The following C2CD3 variants were observed in gnomAD, a reference collection of about 807,000 sequenced individuals.
C2CD3 encodes C2 domain containing 3 centriole elongation regulator.
A neutral mutation model predicts 234.0 loss-of-function variants in C2CD3; 148 were observed. The ratio of observed to expected loss-of-function variants is 0.63; its 90% CI spans 0.55 to 0.72. The LOEUF (loss-of-function observed/expected upper bound fraction) is 0.72, where lower values mean the gene tolerates loss of function less well. Among genes scored for constraint, C2CD3 ranks in the 30% least tolerant of loss-of-function variants. The pLI, the probability that C2CD3 is intolerant of heterozygous loss-of-function variation, is 0.00. For missense variants in C2CD3, 2,577 were observed against 2,811.5 expected, an observed-to-expected ratio of 0.92 and a Z score of 1.89; for synonymous variants, 1,000 against 1,035.4, an observed-to-expected ratio of 0.97 and a Z score of 0.66.
intron 16 of C2CD3, among the ~76,000 whole-genome samples, chr11:74,096,494 A>G (rs1184219026): frequency 6.6e-6 from 1 of 152,164 alleles, no homozygotes; most frequent in Non-Finnish European, 1.5e-5. Context: ...TGAAAAAAAA[A>G]ATCTCTCAGA....
At chr11:74,088,335 T>G (rs1483984502) in intron 20 of C2CD3, among the ~76,000 whole-genome samples, 1 of 152,186 alleles carries the variant, frequency 6.6e-6, no homozygotes, top group Non-Finnish European at 1.5e-5. Context: ...CAGCCCCAAA[T>G]CATACACAGC....
At chr11:74,129,363 C>T (rs1239242200) in intron 7 of C2CD3, 18 of 160,886 alleles carry the variant, frequency 1.1e-4, no homozygotes, top group African/African-American at 4.3e-4. Flanking sequence ...TCAGACGGGG[C>T]GGCTGGGCAG....
At chr11:74,013,613 G>A in intron 32 of C2CD3, 88 bp from the exon 33 acceptor site, 1 of 850,706 alleles carries the variant, frequency 1.2e-6, no homozygotes, top group Non-Finnish European at 1.6e-6. Flanking sequence ...TTGGTCCTTT[G>A]GTTAATATTT....
intron 3 of C2CD3, chr11:74,142,405 A>C (rs1854866868): frequency 1.3e-5 from 2 of 152,240 alleles, no homozygotes; most frequent in Admixed American, 1.3e-4. Flanking sequence ...ATTACGTAGA[A>C]GTTTGTCACT....
chr11:74,142,827 T>C (rs1229316361), intron 3 of C2CD3, among the ~76,000 whole-genome samples: 1 of 152,198 alleles, frequency 6.6e-6, no homozygotes, highest in Non-Finnish European at 1.5e-5. Flanking sequence ...CAGATCTTCA[T>C]TCCTGTCCAC....
At chr11:74,086,905 G>C (rs1361343458) in intron 20 of C2CD3, among the ~76,000 whole-genome samples, 1 of 152,148 alleles carries the variant, frequency 6.6e-6, no homozygotes, top group Admixed American at 6.5e-5. Flanking sequence ...ACTTCATAGA[G>C]AGTAGTAATT....
At chr11:74,116,359 C>T (rs571822470) in intron 9 of C2CD3, among the ~76,000 whole-genome samples, 1 of 151,714 alleles carries the variant, frequency 6.6e-6, no homozygotes, top group South Asian at 2.1e-4. Flanking sequence ...AAATGGCCAA[C>T]AAACGTATGA....
intron 28 of C2CD3, among the ~76,000 whole-genome samples, chr11:74,043,204 C>T (rs1447722051): frequency 7.2e-5 from 11 of 152,298 alleles, no homozygotes; most frequent in Admixed American, 5.9e-4. Context: ...AATAGGTTTG[C>T]CCATTCTGGA....
At chr11:74,035,170 G>A (rs1476981848) in intron 30 of C2CD3, among the ~76,000 whole-genome samples, 2 of 152,214 alleles carry the variant, frequency 1.3e-5, no homozygotes, top group Non-Finnish European at 2.9e-5. Flanking sequence ...TCACTCTACA[G>A]GAGGTGCTGG....
chr11:74,098,595 T>C (rs2135490951), intron 15 of C2CD3, among the ~76,000 whole-genome samples: 1 of 152,328 alleles, frequency 6.6e-6, no homozygotes, highest in South Asian at 2.1e-4. Context: ...CTAGGAAGAA[T>C]GTGGACTTTG....
chr11:74,065,654 G>C (rs1029362287), intron 24 of C2CD3, among the ~76,000 whole-genome samples: 4 of 152,032 alleles, frequency 2.6e-5, no homozygotes, highest in African/African-American at 9.7e-5. Flanking sequence ...CAAAGACTTG[G>C]AACCAACCCA....
At chr11:74,125,974 T>A (rs1489865802) in intron 7 of C2CD3, among the ~76,000 whole-genome samples, 1 of 152,194 alleles carries the variant, frequency 6.6e-6, no homozygotes, top group African/African-American at 2.4e-5. Context: ...CTCTTCTGTG[T>A]TGTAGCCCCT....
At chr11:74,021,810 A>G (rs570516115) in intron 32 of C2CD3, among the ~76,000 whole-genome samples, 3 of 152,186 alleles carry the variant, frequency 2.0e-5, no homozygotes, top group Non-Finnish European at 4.4e-5. Flanking sequence ...GAAAAGTGCA[A>G]GTATAAGTGA....
intron 24 of C2CD3, among the ~76,000 whole-genome samples, chr11:74,058,251 T>G (rs1049016683): frequency 3.9e-5 from 6 of 152,180 alleles, no homozygotes; most frequent in Admixed American, 3.9e-4. Flanking sequence ...ATTGGGCATA[T>G]TATACTTACA....
Position 74,077,392 on chromosome 11 carries a change from AC to A in C2CD3, c.4603+722del, listed in dbSNP as rs147560597. Among the ~76,000 whole-genome samples the A allele has an allele frequency of 3.3e-3, 502 of 152,174 alleles. 1 individual carries two copies. The highest frequency in any genetic ancestry group is 0.011 in the African/African-American group (475 of 41,542). ...CAATTCTTTGACCTATGTTGACCTC[AC>A]CACAGTACTGGAATAAGGTAACACC... On this transcript the variant is annotated intron_variant, in intron 23 of 32. Coordinates refer to ENST00000334126, the MANE Select transcript of C2CD3 (RefSeq NM_001286577.2).
intron 5 of C2CD3, among the ~76,000 whole-genome samples, chr11:74,137,794 C>T (rs1410312835): frequency 6.6e-6 from 1 of 152,008 alleles, no homozygotes; most frequent in Non-Finnish European, 1.5e-5. Context: ...CCATGTTGGC[C>T]AGGCTAGTTT....
chr11:74,033,794 C>T lies in C2CD3; in HGVS notation c.6366G>A (p.Glu2122=), dbSNP rs1591295044. ...AGAGAAAGCTACTTTTGACCATAAG[C>T]TCCTCTCTGCAGAAAGGCCCTGGAG... ...CPSPGPFCRE[E]LMVKSSFLSS... is the part of the protein sequence containing the mutation. Residue 2122 remains glutamate, a synonymous_variant, in exon 31 of 33, where the codon GAG becomes GAA. Coordinates refer to ENST00000334126, the MANE Select transcript of C2CD3 (RefSeq NM_001286577.2). The T allele has an allele frequency of 6.5e-7, 1 of 1,536,334 alleles. No individual in the cohort carries two copies.
rs762258607 is a variant in C2CD3 at position 74,093,774 on chromosome 11, C to T, written c.3344+42G>A. 7 of 1,529,548 alleles carry T rather than the reference C, an allele frequency of 4.6e-6. No individual in the cohort carries two copies. In the South Asian group the frequency reaches 8.1e-5, roughly 18 times the overall value. 94.7% of individuals were successfully genotyped at this position (1,529,548 alleles called of 1,614,324 possible). On this transcript the variant is annotated intron_variant, in intron 18 of 32. Coordinates refer to ENST00000334126, the MANE Select transcript of C2CD3 (RefSeq NM_001286577.2). ...AGGAGTAGGATGCTTTATGATTGTGCACTTCCTTCCTAGGCATAGGACTGG... is the reference window on the plus strand; with the variant it reads ...AGGAGTAGGATGCTTTATGATTGTGTACTTCCTTCCTAGGCATAGGACTGG...
chr11:74,122,822 G>A (rs1957261596), intron 8 of C2CD3, among the ~76,000 whole-genome samples, 166 bp downstream of exon 8: 1 of 152,090 alleles, frequency 6.6e-6, no homozygotes, highest in Admixed American at 6.5e-5. Flanking sequence ...ATCCTACTAG[G>A]CCTGTCTCAA....
Sources: allele counts gnomAD v4.1 joint callset (sites outside exome capture counted in the v4.1 genomes callset), GRCh38; gene constraint gnomAD v4.1.1; transcripts MANE v1.5; gene names NCBI Gene and HGNC (gene_info 2026-07-23, HGNC 2026-07-21).